The following NSD1 variants were observed in gnomAD, a reference collection of about 807,000 sequenced individuals.
NSD1 encodes histone-lysine N-methyltransferase, H3 lysine-36 specific.
In NSD1, 26 loss-of-function variants were observed where a neutral mutation model predicts 242.7. That is an observed-to-expected ratio of 0.11 (90% CI 0.08 to 0.15). NSD1 has a LOEUF of 0.15. Among genes scored for constraint, NSD1 ranks in the 10% least tolerant of loss-of-function variants. NSD1 has a pLI of 1.00. For synonymous variants in NSD1, 1,106 were observed against 1,178.1 expected (o/e 0.94, Z 1.25); for missense variants, 2,495 against 3,272.8 (o/e 0.76, Z 5.80).
intron 12 of NSD1, among the ~76,000 whole-genome samples, chr5:177,256,538 C>T (rs933713769): frequency 1.3e-5 from 2 of 152,188 alleles, no homozygotes; most frequent in African/African-American, 4.8e-5. Context: ...TCACCTCAGC[C>T]TCCTGAAGTG....
intron 12 of NSD1, among the ~76,000 whole-genome samples, chr5:177,253,823 C>A (rs1327885348): frequency 6.6e-6 from 1 of 151,940 alleles, no homozygotes; most frequent in Non-Finnish European, 1.5e-5. Flanking sequence ...TTTGTAGAGA[C>A]AGGATTTTAT....
At chr5:177,227,530 T>G (rs1302124123) in intron 5 of NSD1, among the ~76,000 whole-genome samples, 1 of 152,036 alleles carries the variant, frequency 6.6e-6, no homozygotes, top group Non-Finnish European at 1.5e-5. Context: ...TACTGCAACC[T>G]CCGCCTCCCG....
At position 177,248,318 on chromosome 5, in the gene NSD1, C is replaced by T. The variant is rs761902180; in HGVS notation, c.4635C>T (p.Val1545=). ...GAGGAGCTGCACTCAAGGAGAATGT[C>T]TGTCAGGTAGAGAAATGTTTGCCCA... ...RGGGAALKEN[V]CQNCEKLGEL... is the part of the protein sequence containing the mutation. Residue 1545 remains valine, a synonymous_variant, in exon 11 of 23, where the codon GTC becomes GTT. Coordinates refer to ENST00000439151, the MANE Select transcript of NSD1 (RefSeq NM_022455.5). 5 of 1,613,724 alleles carry T rather than the reference C, an allele frequency of 3.1e-6. No homozygotes were observed. The East Asian group carries it at 1.1e-4, about 36-fold the overall frequency.
intron 22 of NSD1, 70 bp downstream of exon 22, chr5:177,292,228 A>T: frequency 2.0e-6 from 3 of 1,509,466 alleles, no homozygotes; most frequent in Non-Finnish European, 2.7e-6. Flanking sequence ...TGCCATTTGC[A>T]TCAGCCTTGA....
rs1237230298 is a variant in NSD1 at position 177,212,063 on chromosome 5, A to G, written c.3664A>G (p.Asn1222Asp). The G allele has an allele frequency of 6.2e-7, 1 of 1,614,156 alleles. No individual in the cohort carries two copies. Among genetic ancestry groups the G allele is most frequent in the Admixed American group, 1.7e-5 (1 of 60,006 alleles). Residue 1222 changes from asparagine to aspartate, a missense_variant, in exon 5 of 23, where the codon AAT becomes GAT. Around this residue, in one of 19 missense-constraint regions of NSD1, gnomAD observed 426 missense variants for 411.4 expected, o/e 1.04. Coordinates refer to ENST00000439151, the MANE Select transcript of NSD1 (RefSeq NM_022455.5). ...SILEEPLTEQNHADCLDSAGP... is the reference protein window; with the variant it reads ...SILEEPLTEQDHADCLDSAGP... ...ACTTGAGGAACCACTGACAGAGCAA[A>G]ATCATGCTGACTGCTTAGATTCAGC...
chr5:177,148,485 C>T (rs965505460), intron 2 of NSD1, among the ~76,000 whole-genome samples: 5 of 152,136 alleles, frequency 3.3e-5, no homozygotes, highest in East Asian at 1.9e-4. Flanking sequence ...AGGGCAGTGG[C>T]GCGATCCTGG....
rs553402439 is a variant in NSD1 at position 177,153,385 on chromosome 5, AT to A, written c.927+17366del. On this transcript the variant is annotated intron_variant, in intron 2 of 22. Coordinates refer to ENST00000439151, the MANE Select transcript of NSD1 (RefSeq NM_022455.5). ...TTTGTCCCACACTTAGATAGCACTG[AT>A]TTTTTTTTTTATTAAGTGGGTGCAA... Among the ~76,000 whole-genome samples the A allele has an allele frequency of 6.0e-3, 887 of 147,170 alleles. 9 individuals carry two copies. Among genetic ancestry groups the A allele is most frequent in the African/African-American group, 0.02 (798 of 40,420 alleles).
At chr5:177,266,621 A>C (rs1306461817) in intron 14 of NSD1, 1 of 582,422 alleles carries the variant, frequency 1.7e-6, no homozygotes, top group Non-Finnish European at 2.6e-6. Context: ...TCCGGCCGCC[A>C]AGACCCCCGC....
intron 2 of NSD1, among the ~76,000 whole-genome samples, chr5:177,188,749 C>T (rs1283907456): frequency 6.6e-6 from 1 of 151,848 alleles, no homozygotes; most frequent in African/African-American, 2.4e-5. Context: ...CCAGCCTCGC[C>T]TCCTTATGCA....
Position 177,280,565 on chromosome 5 carries a change from G to A in NSD1, c.5623G>A (p.Val1875Ile), listed in dbSNP as rs980830385. The A allele has an allele frequency of 1.9e-6, 3 of 1,614,092 alleles. No homozygotes were observed. The highest frequency in any genetic ancestry group is 1.7e-5 in the Admixed American group (1 of 60,006). The change falls in exon 18 of 23, where the codon GTA becomes ATA. Residue 1875 changes from valine to isoleucine, a missense_variant and splice_region_variant. Coordinates refer to ENST00000439151, the MANE Select transcript of NSD1 (RefSeq NM_022455.5). ...KKPPPYKHIKVNRPIGRVQIF... is the reference protein window; with the variant it reads ...KKPPPYKHIKINRPIGRVQIF... ...GGTGTACTTTGTGTTACTTTTCCAG[G>A]TAAACCGTCCTATTGGCAGGGTACA...
At chr5:177,267,528 G>A in intron 14 of NSD1, 34 bp from the exon 15 acceptor site, 1 of 1,609,618 alleles carries the variant, frequency 6.2e-7, no homozygotes, top group East Asian at 2.2e-5. Flanking sequence ...TTGCAGTCTT[G>A]TGATCTGAAT....
At chr5:177,279,815 C>T (rs1465188984) in intron 17 of NSD1, among the ~76,000 whole-genome samples, 1 of 150,488 alleles carries the variant, frequency 6.6e-6, no homozygotes, top group East Asian at 2.0e-4. Flanking sequence ...GACGGGGTTT[C>T]ACCGTGTTAG....
At chr5:177,217,965 G>T (rs553161375) in intron 5 of NSD1, among the ~76,000 whole-genome samples, 3 of 152,130 alleles carry the variant, frequency 2.0e-5, no homozygotes, top group East Asian at 3.9e-4. Flanking sequence ...ACTTAGGTTG[G>T]AGTGCAGTGG....
intron 3 of NSD1, among the ~76,000 whole-genome samples, chr5:177,199,496 G>T (rs1762349017): frequency 6.6e-6 from 1 of 152,194 alleles, no homozygotes; most frequent in South Asian, 2.1e-4. Flanking sequence ...GGCTCAAACA[G>T]TCTTCTTGCC....
At chr5:177,185,942 AT>A (rs1358792059) in intron 2 of NSD1, among the ~76,000 whole-genome samples, 1 of 90,398 alleles carries the variant, frequency 1.1e-5, no homozygotes, top group Non-Finnish European at 1.9e-5. Context: ...ATAAATATAT[AT>A]AATATAGTTA....
chr5:177,265,401 TA>T, intron 14 of NSD1: 1 of 602,434 alleles, frequency 1.7e-6, no homozygotes, highest in Non-Finnish European at 2.9e-6. Flanking sequence ...TGCAGCCATC[TA>T]AAAACATAAG....
At chr5:177,284,032 C>A in intron 20 of NSD1, 104 bp downstream of exon 20, 1 of 1,356,486 alleles carries the variant, frequency 7.4e-7, no homozygotes. Flanking sequence ...TCTATATGTA[C>A]CGTTCTCTGG....
chr5:177,138,720 A>G (rs994819389), intron 2 of NSD1, among the ~76,000 whole-genome samples: 29 of 151,682 alleles, frequency 1.9e-4, no homozygotes, highest in South Asian at 6.3e-4. Flanking sequence ...GCTCACTGCA[A>G]TCTCCGCCTT....
chr5:177,216,821 A>G (rs2149857200), intron 5 of NSD1, among the ~76,000 whole-genome samples: 1 of 151,946 alleles, frequency 6.6e-6, no homozygotes, highest in East Asian at 1.9e-4. Flanking sequence ...CACCCTGGCC[A>G]GGGATCTCTG....
Sources: gnomAD v4.1 joint callset for allele counts (sites outside exome capture counted in the v4.1 genomes callset) on GRCh38, gnomAD v4.1.1 for gene constraint, gnomAD v4.1.1 regional missense constraint, MANE v1.5 for transcripts, NCBI Gene and HGNC (gene_info 2026-07-23, HGNC 2026-07-21) for gene names.